Variants in MROH2A observed in about 807,000 individuals in gnomAD.
MROH2A encodes maestro heat like repeat family member 2A.
A neutral mutation model predicts 200.4 loss-of-function variants in MROH2A; 174 were observed. The ratio of observed to expected loss-of-function variants is 0.87; its 90% CI spans 0.77 to 0.98. The LOEUF (loss-of-function observed/expected upper bound fraction) is 0.98, where lower values mean the gene tolerates loss of function less well. Among genes scored for constraint, MROH2A ranks in the 50% least tolerant of loss-of-function variants. The pLI is 0.00. For synonymous variants in MROH2A, 829 were observed against 840.4 expected, an observed-to-expected ratio of 0.99 and a Z score of 0.23; for missense variants, 2,045 against 2,139.6, an observed-to-expected ratio of 0.96 and a Z score of 0.87.
In MROH2A at chr2:233,829,601, G is replaced by C. The variant is rs954352092; in HGVS notation, c.4447-19G>C. 3 of 1,380,856 alleles carry C rather than the reference G, an allele frequency of 2.2e-6. No individual in the cohort carries two copies. The African/African-American group carries it at 4.5e-5, about 21-fold the overall frequency. 85.5% of individuals were successfully genotyped at this position (1,380,856 alleles called of 1,614,324 possible). A position where few individuals can be genotyped will look rare whatever the true frequency, so the allele number is the denominator to read the frequency against. On this transcript the variant is annotated intron_variant, in intron 37 of 41. Coordinates refer to ENST00000389758, the MANE Select transcript of MROH2A (RefSeq NM_001394639.1). ...CTTCCTGCTGCCTGCATGTCAGCCT[G>C]TGTCCATCCTGGCCACAGGAGAGCG...
At chr2:233,789,461 G>T in intron 3 of MROH2A, 36 bp from the exon 4 acceptor site, 1 of 1,367,388 alleles carries the variant, frequency 7.3e-7, no homozygotes, top group South Asian at 2.0e-5. Flanking sequence ...TGGGGGCAGG[G>T]TGAGGTCCAT....
chr2:233,796,281 T>C lies in MROH2A; in HGVS notation c.1220T>C (p.Leu407Pro), dbSNP rs762124637. 1.3e-6 allele frequency: 2 copies of C among 1,533,266 alleles called. No homozygotes were observed. The highest frequency in any genetic ancestry group is 2.1e-5 in the Admixed American group (1 of 47,314). 95.0% of individuals were successfully genotyped at this position (1,533,266 alleles called of 1,614,324 possible). Residue 407 changes from leucine to proline, a missense_variant, in exon 11 of 42, where the codon CTG becomes CCG. Physicochemically the swap from Leu to Pro is moderately conservative, Grantham distance 98. Around this residue, in one of 3 missense-constraint regions of MROH2A, gnomAD observed 831 missense variants for 800.0 expected, o/e 1.04. Coordinates refer to ENST00000389758, the MANE Select transcript of MROH2A (RefSeq NM_001394639.1). ...AAGGAGGCCGTCCGCGTGGGGACTCTGAATCTGATTAGGGCTATAGTGAGC... is the reference window on the plus strand; with the variant it reads ...AAGGAGGCCGTCCGCGTGGGGACTCCGAATCTGATTAGGGCTATAGTGAGC... ...TNKEAVRVGT[L>P]NLIRAIVSAD...
Position 233,829,076 on chromosome 2 carries a change from A to G in MROH2A, c.4446+4A>G, listed in dbSNP as rs1559486012. 1 of 1,504,128 alleles carries G rather than the reference A, an allele frequency of 6.6e-7. No homozygotes were observed. The highest frequency in any genetic ancestry group is 8.9e-7 in the Non-Finnish European group (1 of 1,122,088). The allele number at this position is 1,504,128 out of a possible 1,614,324, so 93.2% of individuals were successfully genotyped here. On this transcript the variant is annotated splice_donor_region_variant and intron_variant, in intron 37 of 41. Coordinates refer to ENST00000389758, the MANE Select transcript of MROH2A (RefSeq NM_001394639.1). ...GTGCAGGATCTTCTTCGACAACGTG[A>G]GTCCGATGAGAGCCTCCCTGAGCTT...
intron 28 of MROH2A, 117 bp downstream of exon 28, chr2:233,818,242 G>A (rs1279526960): frequency 7.9e-7 from 1 of 1,269,090 alleles, no homozygotes; most frequent in Non-Finnish European, 1.1e-6. Flanking sequence ...AGGCAGGCAT[G>A]GAGACAAACA....
chr2:233,784,329 C>A (rs1054646557), intron 3 of MROH2A, among the ~76,000 whole-genome samples: 3 of 151,882 alleles, frequency 2.0e-5, no homozygotes, highest in Non-Finnish European at 4.4e-5. Context: ...TACATAATTT[C>A]TATGTGTTTG....
At chr2:233,802,502 T>C (rs1015948372) in intron 15 of MROH2A, 187 bp downstream of exon 15, 3 of 660,202 alleles carry the variant, frequency 4.5e-6, no homozygotes, top group Non-Finnish European at 7.5e-6. Flanking sequence ...CTAGGTCATG[T>C]TAGAATTGTG....
At chr2:233,830,135 T>C (rs534294629) in intron 38 of MROH2A, among the ~76,000 whole-genome samples, 65 of 152,364 alleles carry the variant, frequency 4.3e-4, no homozygotes, top group African/African-American at 1.5e-3. Flanking sequence ...CAAAGTGGTC[T>C]TGTCCACTGC....
chr2:233,811,833 G>A (rs1314214723), intron 23 of MROH2A, 47 bp from the exon 24 acceptor site: 25 of 1,281,184 alleles, frequency 2.0e-5, no homozygotes, highest in South Asian at 7.6e-5. Context: ...GAGTGCTGCC[G>A]CCATCATGGT....
intron 11 of MROH2A, among the ~76,000 whole-genome samples, chr2:233,798,032 C>T (rs1188886154): frequency 6.6e-6 from 1 of 152,142 alleles, no homozygotes; most frequent in Admixed American, 6.5e-5. Context: ...CCACCTTGTA[C>T]CTGCTCTCAT....
chr2:233,805,716 A>G (rs982646662), intron 19 of MROH2A, among the ~76,000 whole-genome samples: 3 of 152,234 alleles, frequency 2.0e-5, no homozygotes, highest in African/African-American at 7.2e-5. Flanking sequence ...AGATACTGGC[A>G]TAAGGATAGA....
chr2:233,813,893 G>A, intron 25 of MROH2A, 115 bp downstream of exon 25: 1 of 574,886 alleles, frequency 1.7e-6, no homozygotes, highest in East Asian at 2.9e-5. Flanking sequence ...AGAGGCAGCG[G>A]AGTGTAGCAA....
intron 11 of MROH2A, among the ~76,000 whole-genome samples, chr2:233,797,475 G>C (rs960438218): frequency 1.3e-5 from 2 of 152,194 alleles, no homozygotes; most frequent in Non-Finnish European, 2.9e-5. Flanking sequence ...ATTAAAAAGT[G>C]TGTAGTCAAT....
chr2:233,819,309 G>C lies in MROH2A; in HGVS notation c.3205-8G>C. ...GGAGGGCAGGGGAGTCACCCGCTCT[G>C]CTCCTAGGTGGTCTGCATGGAGTTT... On this transcript the variant is annotated splice_polypyrimidine_tract_variant and splice_region_variant and intron_variant, in intron 29 of 41. Coordinates refer to ENST00000389758, the MANE Select transcript of MROH2A (RefSeq NM_001394639.1). The C allele has an allele frequency of 6.5e-7, 1 of 1,549,540 alleles. No homozygotes were observed. The highest frequency in any genetic ancestry group is 8.7e-7 in the Non-Finnish European group (1 of 1,146,360).
chr2:233,796,809 G>T (rs1187109297), intron 11 of MROH2A, among the ~76,000 whole-genome samples: 1 of 152,180 alleles, frequency 6.6e-6, no homozygotes, highest in Non-Finnish European at 1.5e-5. Context: ...GGTACATAAT[G>T]GTTAGAAGAG....
At chr2:233,795,247 G>C (rs1460187345) in intron 8 of MROH2A, among the ~76,000 whole-genome samples, 1 of 152,208 alleles carries the variant, frequency 6.6e-6, no homozygotes, top group Non-Finnish European at 1.5e-5. Context: ...GCTGTGGATG[G>C]GGCTGGTGCC....
rs1343849451 is a variant in MROH2A at position 233,812,009 on chromosome 2, C to G, written c.2651+50C>G. On this transcript the variant is annotated intron_variant, in intron 24 of 41. Transcript: ENST00000389758. ...CCATCCCAAGGGGTAGGGAAAAGTT[C>G]AAGACCATTCCTCGGTGCTCCTTCA... is the stretch of plus-strand genomic sequence containing the variant. 10 of 1,263,414 alleles carry G rather than the reference C, an allele frequency of 7.9e-6. No homozygotes were observed. In the Admixed American group the frequency reaches 2.0e-4, roughly 25 times the overall value. The allele number at this position is 1,263,414 out of a possible 1,614,324, so 78.3% of individuals were successfully genotyped here.
rs1575966774 is a variant in MROH2A at position 233,807,211 on chromosome 2, A to G, written c.2053-212A>G. On this transcript the variant is annotated intron_variant, in intron 19 of 41. Coordinates refer to ENST00000389758, the MANE Select transcript of MROH2A (RefSeq NM_001394639.1). The surrounding 1 kb of genome is among the most constrained non-coding windows in gnomAD (Gnocchi z 4.3). ...TAAACTGATATATGTATGTATGTAT[A>G]TATCAGTTTCTTTATCCACTCATTG... is the stretch of plus-strand genomic sequence containing the variant. Among the ~76,000 whole-genome samples, 1 of 152,164 alleles carries G rather than the reference A, an allele frequency of 6.6e-6. No homozygotes were observed. Among genetic ancestry groups the G allele is most frequent in the South Asian group, 2.1e-4 (1 of 4,828 alleles).
chr2:233,819,259 G>A, intron 29 of MROH2A, 58 bp from the exon 30 acceptor site: 5 of 1,496,882 alleles, frequency 3.3e-6, no homozygotes, highest in South Asian at 1.3e-5. Flanking sequence ...GGAGGAGAGA[G>A]TGTCAGCAGT....
At chr2:233,791,987 T>TA (rs765510212) in intron 5 of MROH2A, among the ~76,000 whole-genome samples, 1 of 152,128 alleles carries the variant, frequency 6.6e-6, no homozygotes, top group Non-Finnish European at 1.5e-5. Context: ...GGTGGCCTGT[T>TA]ACGGCTCCCT....
Sources: gnomAD v4.1 joint callset for allele counts (sites outside exome capture counted in the v4.1 genomes callset) on GRCh38, gnomAD v4.1.1 for gene constraint, gnomAD v4.1.1 regional missense constraint, Gnocchi (gnomAD v3.1) non-coding constraint, MANE v1.5 for transcripts, NCBI Gene and HGNC (gene_info 2026-07-23, HGNC 2026-07-21) for gene names.